PPM1L: variants seen among roughly 807,000 people sequenced by gnomAD.
PPM1L encodes protein phosphatase 1L.
PPM1L carries 13 observed loss-of-function variants against 31.4 expected under a neutral mutation model. The ratio of observed to expected loss-of-function variants is 0.41; its 90% CI spans 0.27 to 0.66. The LOEUF is 0.66. PPM1L is among the 30% of genes least tolerant of loss of function. The pLI is 0.29. For missense variants in PPM1L, 326 were observed against 453.7 expected, an observed-to-expected ratio of 0.72 and a Z score of 2.56; for synonymous variants, 184 against 175.4, an observed-to-expected ratio of 1.05 and a Z score of -0.39.
intron 1 of PPM1L, among the ~76,000 whole-genome samples, chr3:160,789,422 CTT>C (rs1712033750): frequency 6.6e-6 from 1 of 151,790 alleles, no homozygotes; most frequent in Non-Finnish European, 1.5e-5. Flanking sequence ...TTGTATCTCT[CTT>C]ATTATTTCTT....
At chr3:160,972,065 G>A (rs139035482) in intron 2 of PPM1L, among the ~76,000 whole-genome samples, 1 of 152,290 alleles carries the variant, frequency 6.6e-6, no homozygotes, top group East Asian at 1.9e-4. Flanking sequence ...ACCACTCACA[G>A]ACTCACCACC....
At chr3:161,039,763 G>T (rs537583793) in intron 2 of PPM1L, among the ~76,000 whole-genome samples, 1 of 152,180 alleles carries the variant, frequency 6.6e-6, no homozygotes, top group African/African-American at 2.4e-5. Flanking sequence ...TGATCCGCCC[G>T]CCTCGGCCTC....
At chr3:160,942,554 A>G (rs927390887) in intron 1 of PPM1L, among the ~76,000 whole-genome samples, 5 of 152,228 alleles carry the variant, frequency 3.3e-5, no homozygotes, top group Non-Finnish European at 7.3e-5. Context: ...AAATTTTTCC[A>G]TGACACTGAG....
intron 1 of PPM1L, among the ~76,000 whole-genome samples, chr3:160,933,953 G>A (rs1714875108): frequency 6.6e-6 from 1 of 152,160 alleles, no homozygotes; most frequent in African/African-American, 2.4e-5. Context: ...ACCTAATAGT[G>A]TAATTACCAT....
chr3:160,982,503 A>G (rs1716833847), intron 2 of PPM1L, among the ~76,000 whole-genome samples: 2 of 152,184 alleles, frequency 1.3e-5, no homozygotes. Flanking sequence ...TTTAAATTAT[A>G]TCTATTAAAT....
intron 1 of PPM1L, among the ~76,000 whole-genome samples, chr3:160,903,282 A>G (rs1447624): frequency 0.83 from 124,710 of 150,848 alleles, 51,742 homozygotes; most frequent in Middle Eastern, 0.89. Flanking sequence ...ATGTGATTGC[A>G]GGAGCTGGCA....
At chr3:160,883,368 G>A (rs1195675583) in intron 1 of PPM1L, among the ~76,000 whole-genome samples, 2 of 152,074 alleles carry the variant, frequency 1.3e-5, no homozygotes, top group Admixed American at 1.3e-4. Flanking sequence ...TGAAATATGT[G>A]TACAAAAGCT....
Position 161,073,462 on chromosome 3 carries a change from C to T in PPM1L, c.*4305C>T, listed in dbSNP as rs1719998078. The T allele has an allele frequency of 6.6e-6, 1 of 152,164 alleles. No homozygotes were observed. Among genetic ancestry groups the T allele is most frequent in the Non-Finnish European group, 1.5e-5 (1 of 68,024 alleles). 9.4% of individuals were successfully genotyped at this position (152,164 alleles called of 1,614,324 possible). On this transcript the variant is annotated 3_prime_UTR_variant, in exon 4 of 4. Coordinates refer to ENST00000498165, the MANE Select transcript of PPM1L (RefSeq NM_139245.4). ...ATGAGCCTTTCATATATGAAGCTGA[C>T]TTGTTAATAAAAGCAGTGTTAAGAA... is the stretch of plus-strand genomic sequence containing the variant.
At chr3:160,757,473 G>A (rs1280898969) in intron 1 of PPM1L, among the ~76,000 whole-genome samples, 1 of 152,248 alleles carries the variant, frequency 6.6e-6, no homozygotes, top group Admixed American at 6.5e-5. Flanking sequence ...TTTGTTTGTG[G>A]TTCATCTGGA....
At chr3:161,026,025 T>G (rs1315932385) in intron 2 of PPM1L, among the ~76,000 whole-genome samples, 1 of 152,136 alleles carries the variant, frequency 6.6e-6, no homozygotes, top group Non-Finnish European at 1.5e-5. Context: ...AAAAAAATCT[T>G]TTTAAAAGAA....
chr3:160,934,055 A>G (rs1368920281), intron 1 of PPM1L, among the ~76,000 whole-genome samples: 1 of 152,242 alleles, frequency 6.6e-6, no homozygotes, highest in East Asian at 1.9e-4. Context: ...ACTTTAGCAC[A>G]TTATTCATTT....
intron 2 of PPM1L, among the ~76,000 whole-genome samples, chr3:161,061,740 G>T (rs1488976399): frequency 6.6e-6 from 1 of 152,114 alleles, no homozygotes; most frequent in Non-Finnish European, 1.5e-5. Context: ...GCCATCCGTG[G>T]ATTTTGCTAT....
intron 1 of PPM1L, among the ~76,000 whole-genome samples, chr3:160,784,167 C>T (rs1363723686): frequency 2.6e-5 from 4 of 152,010 alleles, no homozygotes; most frequent in African/African-American, 7.2e-5. Flanking sequence ...TTAAAAAAAG[C>T]GTACCTATCT....
chr3:160,870,423 C>T (rs984332736), intron 1 of PPM1L, among the ~76,000 whole-genome samples: 1 of 152,166 alleles, frequency 6.6e-6, no homozygotes, highest in Non-Finnish European at 1.5e-5. Context: ...TACATTGAAA[C>T]AAATCAAGCC....
rs1716623088 is a variant in PPM1L at position 160,977,296 on chromosome 3, A to T, written c.574+15386A>T. The stretch of plus-strand genomic sequence containing the variant: ...TCCTGGATGTGCTCTTTAGTTCTTT[A>T]ATCAATCCTAGGGAATTCTAAATTG... On this transcript the variant is annotated intron_variant, in intron 2 of 3. Transcript: ENST00000498165. Among the ~76,000 whole-genome samples, 3 of 152,176 alleles carry T rather than the reference A, an allele frequency of 2.0e-5. No homozygotes were observed. The South Asian group carries it at 6.2e-4, about 32-fold the overall frequency.
intron 1 of PPM1L, among the ~76,000 whole-genome samples, chr3:160,914,786 A>G (rs1714101921): frequency 1.3e-5 from 2 of 152,022 alleles, no homozygotes; most frequent in African/African-American, 2.4e-5. Flanking sequence ...ATGATTTATA[A>G]TCCTTTGGGT....
At chr3:161,020,124 C>CAA (rs11363095) in intron 2 of PPM1L, among the ~76,000 whole-genome samples, 70 of 115,412 alleles carry the variant, frequency 6.1e-4, no homozygotes, top group East Asian at 2.0e-3. Flanking sequence ...GACTCCACCT[C>CAA]AAAAAAAAAA....
At chr3:160,879,679 T>C (rs942052448) in intron 1 of PPM1L, among the ~76,000 whole-genome samples, 6 of 152,202 alleles carry the variant, frequency 3.9e-5, no homozygotes, top group Non-Finnish European at 8.8e-5. Context: ...CTTTAGGACA[T>C]TGGTCAATCA....
At chr3:160,788,554 ATT>A (rs5853901) in intron 1 of PPM1L, among the ~76,000 whole-genome samples, 1 of 151,514 alleles carries the variant, frequency 6.6e-6, no homozygotes, top group African/African-American at 2.4e-5. Flanking sequence ...TGATTTATGG[ATT>A]TTTTTTGTAG....
Sources: gnomAD v4.1 joint callset for allele counts (sites outside exome capture counted in the v4.1 genomes callset) on GRCh38, gnomAD v4.1.1 for gene constraint, MANE v1.5 for transcripts, NCBI Gene and HGNC (gene_info 2026-07-23, HGNC 2026-07-21) for gene names.